GRID2IP: variants seen among roughly 807,000 people sequenced by gnomAD.
The protein encoded by GRID2IP is delphilin.
A neutral mutation model predicts 114.3 loss-of-function variants in GRID2IP; 78 were observed. The ratio of observed to expected loss-of-function variants is 0.68; its 90% CI spans 0.57 to 0.82. The LOEUF (loss-of-function observed/expected upper bound fraction) is 0.82. Among genes scored for constraint, GRID2IP ranks in the 40% least tolerant of loss-of-function variants. GRID2IP has a pLI of 0.00. For synonymous variants in GRID2IP, 809 were observed against 724.0 expected, an observed-to-expected ratio of 1.12 and a Z score of -1.89; for missense variants, 1,727 against 1,678.5, an observed-to-expected ratio of 1.03 and a Z score of -0.51.
At chr7:6,501,283 G>A (rs898088768) in intron 20 of GRID2IP, among the ~76,000 whole-genome samples, 3 of 152,068 alleles carry the variant, frequency 2.0e-5, no homozygotes, top group Admixed American at 1.3e-4. Flanking sequence ...CCTGGGAGGC[G>A]GAGGCTGCAG....
rs966910464 is a variant in GRID2IP at position 6,516,428 on chromosome 7, T to A, written c.1269-1899A>T. Among the ~76,000 whole-genome samples the A allele has an allele frequency of 1.3e-5, 2 of 152,162 alleles. No individual in the cohort carries two copies. Among genetic ancestry groups the A allele is most frequent in the Non-Finnish European group, 2.9e-5 (2 of 68,026 alleles). On this transcript the variant is annotated intron_variant, in intron 7 of 21. Coordinates refer to ENST00000457091, the MANE Select transcript of GRID2IP (RefSeq NM_001145118.2). This position sits in a 1 kb window ranked among gnomAD's most constrained non-coding sequence, Gnocchi z 4.3. ...TAGGAGAAACCAGGCCATACAGAGA[T>A]AGGAGCTGAAGGGACACGGTGAGAA...
At position 6,520,301 on chromosome 7, in the gene GRID2IP, A is replaced by C. The variant is rs1412549521; in HGVS notation, c.1268+277T>G. Among the ~76,000 whole-genome samples the C allele has an allele frequency of 1.3e-5, 2 of 151,928 alleles. No homozygotes were observed. The highest frequency in any genetic ancestry group is 2.9e-5 in the Non-Finnish European group (2 of 67,998). On this transcript the variant is annotated intron_variant, in intron 7 of 21. Transcript: ENST00000457091. This position sits in a 1 kb window ranked among gnomAD's most constrained non-coding sequence, Gnocchi z 4.6. ...GCGAGACTCCATCTCAAAAAAAAAA[A>C]ATAGAATGTTGCAGGTGGTTCCTGT... is the stretch of plus-strand genomic sequence containing the variant.
In GRID2IP at chr7:6,507,925, T is replaced by G; in HGVS notation, c.2544+60A>C. 6.5e-7 allele frequency: 1 copy of G among 1,536,452 alleles called. No individual in the cohort carries two copies. Among genetic ancestry groups the G allele is most frequent in the Non-Finnish European group, 8.8e-7 (1 of 1,140,810 alleles). On this transcript the variant is annotated intron_variant, in intron 13 of 21. Transcript: ENST00000457091. This position sits in a 1 kb window ranked among gnomAD's most constrained non-coding sequence, Gnocchi z 5.3. ...GCCTGGCCGATGGGTTTTCCTTCAG[T>G]GCTGCTGCCCAAGCCATCCTCCCCC...
In GRID2IP at chr7:6,551,131, C is replaced by G. The variant is rs1779971177; in HGVS notation, c.306G>C (p.Leu102Phe). The G allele has an allele frequency of 1.5e-6, 2 of 1,317,526 alleles. No individual in the cohort carries two copies. Among genetic ancestry groups the G allele is most frequent in the South Asian group, 2.0e-5 (1 of 49,730 alleles). 81.6% of individuals were successfully genotyped at this position (1,317,526 alleles called of 1,614,324 possible). Residue 102 changes from leucine to phenylalanine, a missense_variant, in exon 1 of 22, where the codon TTG becomes TTC. Leu to Phe is a conservative substitution (Grantham distance 22). Transcript: ENST00000457091. The part of the protein sequence containing the change: ...GSGPAAPTTV[L>F]RAPRCGRGLA... ...GGCCGCGGCCGCACCGCGGGGCCCG[C>G]AAGACTGTGGTCGGGGCCGCGGGGC...
At chr7:6,545,215 G>A (rs111459811) in intron 1 of GRID2IP, among the ~76,000 whole-genome samples, 2,112 of 152,130 alleles carry the variant, frequency 0.014, 42 homozygotes, top group African/African-American at 0.048. Flanking sequence ...GGAAATCAAG[G>A]CTGCAGTAAG....
chr7:6,502,947 G>C (rs1281466155), intron 17 of GRID2IP, 61 bp downstream of exon 17: 2 of 1,547,878 alleles, frequency 1.3e-6, no homozygotes, highest in East Asian at 2.4e-5. Flanking sequence ...TGGGCCTCCA[G>C]GCTGGAAGCC....
intron 14 of GRID2IP, among the ~76,000 whole-genome samples, chr7:6,505,511 A>G (rs7799479): frequency 0.88 from 133,391 of 151,938 alleles, 59,136 homozygotes; most frequent in Non-Finnish European, 0.93. Context: ...GGGACCACAG[A>G]CATCCTCCAT....
At chr7:6,537,187 G>T (rs1251601182) in intron 2 of GRID2IP, among the ~76,000 whole-genome samples, 1 of 152,036 alleles carries the variant, frequency 6.6e-6, no homozygotes, top group Non-Finnish European at 1.5e-5. Context: ...TGGAAGTGGA[G>T]TCAGGAGACT....
rs1461657415 is a variant in GRID2IP at position 6,508,745 on chromosome 7, A to G, written c.2127+213T>C. On this transcript the variant is annotated intron_variant, in intron 12 of 21. Coordinates refer to ENST00000457091, the MANE Select transcript of GRID2IP (RefSeq NM_001145118.2). The surrounding 1 kb of genome is among the most constrained non-coding windows in gnomAD (Gnocchi z 5.6). Reference sequence around the variant, plus strand: ...AATGGGCTAACCTGCGACAGGGAATATGGGCTAGCCTCAGTCAAGGAGCAT... The same window carrying G: ...AATGGGCTAACCTGCGACAGGGAATGTGGGCTAGCCTCAGTCAAGGAGCAT... Among the ~76,000 whole-genome samples, 1 of 152,124 alleles carries G rather than the reference A, an allele frequency of 6.6e-6. No individual in the cohort carries two copies. The highest frequency in any genetic ancestry group is 6.5e-5 in the Admixed American group (1 of 15,282).
Position 6,520,513 on chromosome 7 carries a change from G to A in GRID2IP, c.1268+65C>T, listed in dbSNP as rs1779391519. ...GAGGTTCAGGCAGGGAGACTGGGATGTGAGTCTAGGCAGGACTTAGGGCCC... is the reference window on the plus strand; with the variant it reads ...GAGGTTCAGGCAGGGAGACTGGGATATGAGTCTAGGCAGGACTTAGGGCCC... On this transcript the variant is annotated intron_variant, in intron 7 of 21. Coordinates refer to ENST00000457091, the MANE Select transcript of GRID2IP (RefSeq NM_001145118.2). The surrounding 1 kb of genome is among the most constrained non-coding windows in gnomAD (Gnocchi z 4.6). 1.4e-6 allele frequency: 2 copies of A among 1,455,150 alleles called. No homozygotes were observed. Among genetic ancestry groups the A allele is most frequent in the South Asian group, 1.3e-5 (1 of 78,056 alleles). 90.1% of individuals were successfully genotyped at this position (1,455,150 alleles called of 1,614,324 possible).
At position 6,504,864 on chromosome 7, in the gene GRID2IP, A is replaced by T; in HGVS notation, c.2639T>A (p.Val880Glu). 6.4e-7 allele frequency: 1 copy of T among 1,551,202 alleles called. No individual in the cohort carries two copies. The highest frequency in any genetic ancestry group is 8.7e-7 in the Non-Finnish European group (1 of 1,146,798). The change falls in exon 15 of 22, where the codon GTG becomes GAG. Residue 880 changes from valine (V) to glutamate (E), a missense_variant. Val to Glu is a moderately radical substitution (Grantham distance 121, BLOSUM62 -2). Coordinates refer to ENST00000457091, the MANE Select transcript of GRID2IP (RefSeq NM_001145118.2). ...CTTCCGGAAGGGCTCCGGCCCCGGC[A>T]CCGGTTCTGGAAAAGAAACTGACAG... ...HFGTQKPAKP[V>E]PGPEPFRKKE...
chr7:6,536,401 A>G lies in GRID2IP; in HGVS notation c.584+3317T>C, dbSNP rs1583351468. Among the ~76,000 whole-genome samples the G allele has an allele frequency of 6.6e-6, 1 of 152,294 alleles. No homozygotes were observed. Among genetic ancestry groups the G allele is most frequent in the South Asian group, 2.1e-4 (1 of 4,830 alleles). On this transcript the variant is annotated intron_variant, in intron 2 of 21. Transcript: ENST00000457091. The surrounding 1 kb of genome is among the most constrained non-coding windows in gnomAD (Gnocchi z 5.3). ...CCCAGGCTCTAAATCGAGCGCGCCC[A>G]AGGGGGTTCCCCCTCCCGCGCCCTG...
chr7:6,510,688 T>A lies in GRID2IP; in HGVS notation c.1574A>T (p.Glu525Val), dbSNP rs1422808628. The A allele has an allele frequency of 1.3e-6, 2 of 1,548,182 alleles. No homozygotes were observed. The highest frequency in any genetic ancestry group is 4.9e-5 in the East Asian group (2 of 40,762). ...GCCTGGGATCAGGGGAAGAGGCATC[T>A]CAGGGCACTCGCTGGGACCTACCGG... ...GLSCGPSECP[E>V]MPLPLIPGER... The change falls in exon 10 of 22, where the codon GAG (glutamate) becomes GTG (valine). Residue 525 changes from glutamate (E) to valine (V), a missense_variant. Transcript: ENST00000457091.
rs1583336114 is a variant in GRID2IP, at chr7:6,508,462, T to G, written c.2128-61A>C. On this transcript the variant is annotated intron_variant, in intron 12 of 21. Transcript: ENST00000457091. The surrounding 1 kb of genome is among the most constrained non-coding windows in gnomAD (Gnocchi z 5.6). ...CTGGGCCCAGAGAGACTAGAGCAGG[T>G]GCAAAGTGAAGGATCATGGGATAGC... 1.9e-6 allele frequency: 3 copies of G among 1,546,374 alleles called. No homozygotes were observed. The highest frequency in any genetic ancestry group is 2.6e-6 in the Non-Finnish European group (3 of 1,145,372).
chr7:6,502,702 C>A (rs1258836255), intron 18 of GRID2IP, 84 bp downstream of exon 18: 1 of 937,646 alleles, frequency 1.1e-6, no homozygotes, highest in African/African-American at 1.6e-5. Context: ...CCTCTTCTGC[C>A]CTCTGCCACA....
rs1450810971 is a variant in GRID2IP, at chr7:6,526,214, C to G, written c.919+10G>C. On this transcript the variant is annotated intron_variant, in intron 4 of 21. Transcript: ENST00000457091. The surrounding 1 kb of genome is among the most constrained non-coding windows in gnomAD (Gnocchi z 7.6). ...TTAGGGACTCTTAGGGCAACCGGCC[C>G]ACCCCTCACCAGGCAGGACAGACTC... 6.4e-7 allele frequency: 1 copy of G among 1,551,120 alleles called. No homozygotes were observed.
chr7:6,505,394 G>C (rs1181669137), intron 14 of GRID2IP, among the ~76,000 whole-genome samples: 2 of 133,278 alleles, frequency 1.5e-5, no homozygotes, highest in Non-Finnish European at 3.1e-5. Flanking sequence ...GGGTCTCACT[G>C]TGTCACCCAG....
chr7:6,541,678 G>T, intron 1 of GRID2IP, among the ~76,000 whole-genome samples: 1 of 152,286 alleles, frequency 6.6e-6, no homozygotes, highest in African/African-American at 2.4e-5. Flanking sequence ...CGTTGGAAAC[G>T]AGTGTGCAAA....
chr7:6,536,830 C>A lies in GRID2IP; in HGVS notation c.584+2888G>T. On this transcript the variant is annotated intron_variant, in intron 2 of 21. Coordinates refer to ENST00000457091, the MANE Select transcript of GRID2IP (RefSeq NM_001145118.2). The surrounding 1 kb of genome is among the most constrained non-coding windows in gnomAD (Gnocchi z 5.3). ...TAGCAAGGGGCTCACCCCTTACTCA[C>A]CCCAGGCAGCTCATGGTGGCCTCTT... 1.4e-6 allele frequency: 1 copy of A among 702,506 alleles called. No homozygotes were observed. The highest frequency in any genetic ancestry group is 2.6e-6 in the Non-Finnish European group (1 of 384,624). 43.5% of individuals were successfully genotyped at this position (702,506 alleles called of 1,614,324 possible). A position where few individuals can be genotyped will look rare whatever the true frequency, so the allele number is the denominator to read the frequency against.
Sources: allele counts gnomAD v4.1 joint callset (sites outside exome capture counted in the v4.1 genomes callset), GRCh38; gene constraint gnomAD v4.1.1; non-coding constraint Gnocchi (gnomAD v3.1); transcripts MANE v1.5; gene names NCBI Gene and HGNC (gene_info 2026-07-23, HGNC 2026-07-21).